The following CTNND2 variants were observed in gnomAD, a reference collection of about 807,000 sequenced individuals.
The protein encoded by CTNND2 is catenin delta 2.
A neutral mutation model predicts 144.4 loss-of-function variants in CTNND2; 22 were observed. That is an observed-to-expected ratio of 0.15 (90% CI 0.11 to 0.22). CTNND2 has a LOEUF of 0.22. Among genes scored for constraint, CTNND2 ranks in the 10% least tolerant of loss-of-function variants. The pLI is 1.00. For synonymous variants in CTNND2, 751 were observed against 695.6 expected (o/e 1.08, Z -1.25); for missense variants, 1,353 against 1,618.8 (o/e 0.84, Z 2.82).
rs58951106 is a variant in CTNND2, at chr5:11,480,646, A to ATGTGTGTG, written c.288-68585_288-68578dup. ...TGTTCTATGATTTGAAAATACATAT[A>ATGTGTGTG]TGTGTGTGTGTGTGTGTGTGTGTGT... On this transcript the variant is annotated intron_variant, in intron 3 of 21. Transcript: ENST00000304623. Among the ~76,000 whole-genome samples, 449 of 149,144 alleles carry ATGTGTGTG rather than the reference A, an allele frequency of 3.0e-3. 1 individual carries two copies. The highest frequency in any genetic ancestry group is 6.1e-3 in the South Asian group (29 of 4,730).
At chr5:11,738,021 A>G (rs554429012) in intron 1 of CTNND2, among the ~76,000 whole-genome samples, 1 of 152,310 alleles carries the variant, frequency 6.6e-6, no homozygotes, top group South Asian at 2.1e-4. Flanking sequence ...AAAGTGTTCA[A>G]TTTTCTCAAC....
intron 3 of CTNND2, among the ~76,000 whole-genome samples, chr5:11,425,931 C>G (rs1295121323): frequency 6.6e-6 from 1 of 152,184 alleles, no homozygotes; most frequent in Non-Finnish European, 1.5e-5. Flanking sequence ...TCCTCCATAT[C>G]TGATCAGGTT....
intron 14 of CTNND2, among the ~76,000 whole-genome samples, chr5:11,103,693 C>T (rs193253439): frequency 2.0e-3 from 304 of 150,770 alleles, no homozygotes; most frequent in Non-Finnish European, 3.7e-3. Context: ...AACAAAAAAA[C>T]CCCTGAAAGT....
Position 11,875,982 on chromosome 5 carries a change from G to A in CTNND2, c.37+27835C>T, listed in dbSNP as rs151297500. Among the ~76,000 whole-genome samples the A allele has an allele frequency of 2.6e-5, 4 of 152,292 alleles. 1 individual carries two copies. The East Asian group carries it at 5.8e-4, about 22-fold the overall frequency. Reference sequence around the variant, plus strand: ...AATATCCTTGATAAGGAATAAAACAGATGAAATTGTGAAGAAAGTGTATAA... The same window carrying A: ...AATATCCTTGATAAGGAATAAAACAAATGAAATTGTGAAGAAAGTGTATAA... On this transcript the variant is annotated intron_variant, in intron 1 of 21. Transcript: ENST00000304623.
chr5:11,894,910 T>A (rs2126313787), intron 1 of CTNND2, among the ~76,000 whole-genome samples: 1 of 152,332 alleles, frequency 6.6e-6, no homozygotes, highest in Admixed American at 6.5e-5. Context: ...TAAGTGTTTG[T>A]TACATGCCTA....
At chr5:11,676,474 G>C (rs1038125390) in intron 2 of CTNND2, among the ~76,000 whole-genome samples, 1 of 151,888 alleles carries the variant, frequency 6.6e-6, no homozygotes, top group Non-Finnish European at 1.5e-5. Flanking sequence ...AATATAATGA[G>C]GAAGAGCTCG....
At chr5:11,506,663 C>T (rs773928662) in intron 3 of CTNND2, among the ~76,000 whole-genome samples, 8 of 152,196 alleles carry the variant, frequency 5.3e-5, no homozygotes, top group Non-Finnish European at 1.0e-4. Flanking sequence ...TGCTGTTTAC[C>T]TTAAATATAC....
At position 11,847,043 on chromosome 5, in the gene CTNND2, A is replaced by C. The variant is rs144954065; in HGVS notation, c.37+56774T>G. ...AAAACAGTATGAAGGTTCCTCAAAAAATTAAAAATATAACTACGGTTTGAT... is the reference window on the plus strand; with the variant it reads ...AAAACAGTATGAAGGTTCCTCAAAACATTAAAAATATAACTACGGTTTGAT... On this transcript the variant is annotated intron_variant, in intron 1 of 21. Transcript: ENST00000304623. Among the ~76,000 whole-genome samples, 653 of 150,416 alleles carry C rather than the reference A, an allele frequency of 4.3e-3. 10 individuals are homozygous for C. Among genetic ancestry groups the C allele is most frequent in the African/African-American group, 0.014 (585 of 41,202 alleles).
chr5:11,330,300 T>G (rs1326701939), intron 9 of CTNND2, among the ~76,000 whole-genome samples: 1 of 127,156 alleles, frequency 7.9e-6, no homozygotes. Flanking sequence ...TGAAACCCCG[T>G]CTCTACTAAA....
At chr5:11,659,805 G>C (rs575793320) in intron 2 of CTNND2, among the ~76,000 whole-genome samples, 2 of 152,068 alleles carry the variant, frequency 1.3e-5, no homozygotes, top group Non-Finnish European at 2.9e-5. Context: ...TCATATATTT[G>C]TCTAGTTTTA....
chr5:11,859,374 T>C (rs181525539), intron 1 of CTNND2, among the ~76,000 whole-genome samples: 11 of 152,248 alleles, frequency 7.2e-5, no homozygotes, highest in Non-Finnish European at 1.3e-4. Flanking sequence ...CAAAACAAAA[T>C]ACAGTAAATG....
At chr5:11,063,752 C>A (rs577910975) in intron 16 of CTNND2, among the ~76,000 whole-genome samples, 1 of 135,422 alleles carries the variant, frequency 7.4e-6, no homozygotes, top group African/African-American at 2.8e-5. Context: ...AAATGCCACC[C>A]GGGAAACTAA....
chr5:11,234,050 C>T (rs1421001228), intron 10 of CTNND2, among the ~76,000 whole-genome samples: 1 of 152,172 alleles, frequency 6.6e-6, no homozygotes, highest in Non-Finnish European at 1.5e-5. Context: ...ATAACATGAA[C>T]TGCTGCTAGG....
intron 3 of CTNND2, among the ~76,000 whole-genome samples, chr5:11,553,137 CAT>C (rs1775913655): frequency 6.6e-6 from 1 of 152,194 alleles, no homozygotes; most frequent in Non-Finnish European, 1.5e-5. Context: ...CCCTATTATA[CAT>C]ATGTTATTAT....
At position 11,903,943 on chromosome 5, in the gene CTNND2, TGCA is replaced by T. The variant is rs1445300943; in HGVS notation, c.-93_-91del. On this transcript the variant is annotated 5_prime_UTR_variant, in exon 1 of 22. Transcript: ENST00000304623. The surrounding 1 kb of genome is among the most constrained non-coding windows in gnomAD (Gnocchi z 5.4). Reference sequence around the variant, plus strand: ...GGGCAAGGTCCTGACCTTGCCCAACTGCAGCATCTTCCGCTTTTGTTGTCTGAG... The same window carrying T: ...GGGCAAGGTCCTGACCTTGCCCAACTGCATCTTCCGCTTTTGTTGTCTGAG... 22 of 1,284,394 alleles carry T rather than the reference TGCA, an allele frequency of 1.7e-5. No individual in the cohort carries two copies. Among genetic ancestry groups the T allele is most frequent in the South Asian group, 2.1e-5 (1 of 46,706 alleles). The allele number at this position is 1,284,394 out of a possible 1,614,324, so 79.6% of individuals were successfully genotyped here. A position where few individuals can be genotyped will look rare whatever the true frequency, so the allele number is the denominator to read the frequency against.
At chr5:11,639,112 T>C (rs966699837) in intron 2 of CTNND2, among the ~76,000 whole-genome samples, 2 of 151,994 alleles carry the variant, frequency 1.3e-5, no homozygotes, top group African/African-American at 2.4e-5. Flanking sequence ...CTGGAGACAT[T>C]TGAGTTTGTT....
chr5:11,382,174 C>T (rs1315179137), intron 7 of CTNND2, among the ~76,000 whole-genome samples: 1 of 152,190 alleles, frequency 6.6e-6, no homozygotes, highest in Non-Finnish European at 1.5e-5. Flanking sequence ...TTAGAGCCTT[C>T]CCTGGCCATC....
chr5:11,620,163 T>C (rs1411050549), intron 2 of CTNND2, among the ~76,000 whole-genome samples: 1 of 152,206 alleles, frequency 6.6e-6, no homozygotes, highest in African/African-American at 2.4e-5. Context: ...CTAATCATCC[T>C]TTTTTATTTT....
intron 17 of CTNND2, among the ~76,000 whole-genome samples, chr5:11,022,109 C>T (rs1349145715): frequency 6.6e-6 from 1 of 152,138 alleles, no homozygotes; most frequent in Non-Finnish European, 1.5e-5. Context: ...TCTTTTTGTT[C>T]TATCTGCACG....
Sources: allele counts gnomAD v4.1 joint callset (sites outside exome capture counted in the v4.1 genomes callset), GRCh38; gene constraint gnomAD v4.1.1; non-coding constraint Gnocchi (gnomAD v3.1); transcripts MANE v1.5; gene names NCBI Gene and HGNC (gene_info 2026-07-23, HGNC 2026-07-21).